RHAG: variants seen among roughly 807,000 people sequenced by gnomAD.
RHAG encodes ammonium transporter Rh type A.
RHAG carries 25 observed loss-of-function variants against 42.4 expected under a neutral mutation model. That is an observed-to-expected ratio of 0.59 (90% CI 0.43 to 0.82). The LOEUF (loss-of-function observed/expected upper bound fraction) is 0.82. RHAG is among the 40% of genes least tolerant of loss of function. RHAG has a pLI of 0.00. For synonymous variants in RHAG, 182 were observed against 177.7 expected (o/e 1.02, Z -0.19); for missense variants, 483 against 504.6 (o/e 0.96, Z 0.41).
At chr6:49,626,365 G>A (rs1562018445) in intron 1 of RHAG, among the ~76,000 whole-genome samples, 1 of 152,114 alleles carries the variant, frequency 6.6e-6, no homozygotes, top group Non-Finnish European at 1.5e-5. Context: ...GTGGCTACAG[G>A]CCCCATGCAA....
Position 49,614,707 on chromosome 6 carries a change from G to T in RHAG, c.787C>A (p.His263Asn). 6.2e-7 allele frequency: 1 copy of T among 1,613,874 alleles called. No individual in the cohort carries two copies. Among genetic ancestry groups the T allele is most frequent in the South Asian group, 1.1e-5 (1 of 91,066 alleles). ...CTTACCATGTTGAGCTTGCCTCGGT[G>T]CTCCACTAGGCTGGAGAAGGCAAAG... ...TAFAFSSLVE[H>N]RGKLNMVHIQ... Residue 263 changes from histidine to asparagine, a missense_variant, in exon 5 of 10, where the codon CAC becomes AAC. His to Asn is a moderately conservative substitution (Grantham distance 68, BLOSUM62 1). Transcript: ENST00000371175.
At chr6:49,627,547 A>ACATTTT (rs1162261212) in intron 1 of RHAG, among the ~76,000 whole-genome samples, 1 of 152,148 alleles carries the variant, frequency 6.6e-6, no homozygotes, top group African/African-American at 2.4e-5. Flanking sequence ...AGTTGCTTTC[A>ACATTTT]CATTTTCGGG....
intron 1 of RHAG, among the ~76,000 whole-genome samples, chr6:49,634,463 T>C (rs144431074): frequency 1.4e-3 from 208 of 152,280 alleles, no homozygotes; most frequent in African/African-American, 4.7e-3. Flanking sequence ...ACTAGGGATA[T>C]TTCCAAAGAA....
chr6:49,619,321 A>G lies in RHAG; in HGVS notation c.199T>C (p.Phe67Leu), dbSNP rs116356543. Reference protein sequence around the residue: ...VHVMIFVGFGFLMTFLKKYGF... With the variant: ...VHVMIFVGFGLLMTFLKKYGF... Reference sequence around the variant, plus strand: ...TATTTCTTCAGGAAGGTCATGAGGAAGCCAAACCCAACAAATATCATAACA... The same window carrying G: ...TATTTCTTCAGGAAGGTCATGAGGAGGCCAAACCCAACAAATATCATAACA... The change falls in exon 2 of 10, where the codon TTC (phenylalanine) becomes CTC (leucine). Residue 67 changes from phenylalanine to leucine, a missense_variant. By Grantham distance (22) the Phe-to-Leu change is conservative. Coordinates refer to ENST00000371175, the MANE Select transcript of RHAG (RefSeq NM_000324.3). 311 of 1,614,208 alleles carry G rather than the reference A, an allele frequency of 1.9e-4. 1 individual carries two copies. In the African/African-American group the frequency reaches 3.6e-3, roughly 19 times the overall value.
chr6:49,636,575 G>GTTTATAGTA, intron 1 of RHAG, 81 bp downstream of exon 1: 1 of 1,377,676 alleles, frequency 7.3e-7, no homozygotes, highest in Non-Finnish European at 1.0e-6. Flanking sequence ...GAGCTCAAGG[G>GTTTATAGTA]TTTATAGTAT....
chr6:49,627,475 C>G (rs1043934639), intron 1 of RHAG, among the ~76,000 whole-genome samples: 1 of 152,190 alleles, frequency 6.6e-6, no homozygotes, highest in Non-Finnish European at 1.5e-5. Flanking sequence ...CTTTCCCACA[C>G]CTTCGTGTCT....
intron 3 of RHAG, among the ~76,000 whole-genome samples, chr6:49,616,354 CAAAAAAAAAA>C (rs34416373): frequency 7.2e-4 from 78 of 108,780 alleles, no homozygotes; most frequent in Non-Finnish European, 7.6e-4. Context: ...AATCTCAAAC[CAAAAAAAAAA>C]AAAAAAAAAA....
At position 49,612,495 on chromosome 6, in the gene RHAG, C is replaced by G. The variant is rs747121880; in HGVS notation, c.847G>C (p.Val283Leu). ...ATTGCCATATCCGCACAAGTGCCCA[C>G]AGCAACTCCTCCAGCAAGGGTGGCA... ...QNATLAGGVA[V>L]GTCADMAIHP... The change falls in exon 6 of 10, where the codon GTG (valine) becomes CTG (leucine). Residue 283 changes from valine to leucine, a missense_variant. Transcript: ENST00000371175. 3 of 1,614,132 alleles carry G rather than the reference C, an allele frequency of 1.9e-6. No homozygotes were observed. Among genetic ancestry groups the G allele is most frequent in the Admixed American group, 3.3e-5 (2 of 60,012 alleles).
chr6:49,610,612 A>T (rs531810194), intron 7 of RHAG, among the ~76,000 whole-genome samples: 2 of 152,280 alleles, frequency 1.3e-5, no homozygotes, highest in African/African-American at 4.8e-5. Context: ...CTGCAGAACC[A>T]ACTGCTTTCT....
At chr6:49,607,447 T>A (rs571772472) in intron 7 of RHAG, among the ~76,000 whole-genome samples, 157 of 152,328 alleles carry the variant, frequency 1.0e-3, no homozygotes, top group Non-Finnish European at 1.7e-3. Context: ...GAATCATCTT[T>A]TCATGTAAAC....
At chr6:49,618,301 C>T (rs1003863437) in intron 2 of RHAG, 83 bp from the exon 3 acceptor site, 5 of 1,454,302 alleles carry the variant, frequency 3.4e-6, no homozygotes, top group Non-Finnish European at 3.8e-6. Context: ...TCCCACCAGG[C>T]ACATCCAGTG....
chr6:49,606,928 C>T lies in RHAG; in HGVS notation c.1139-7G>A, dbSNP rs150091685. 3,718 of 1,601,902 alleles carry T rather than the reference C, an allele frequency of 2.3e-3. 9 individuals are homozygous for T. Among genetic ancestry groups the T allele is most frequent in the Non-Finnish European group, 2.8e-3 (3,243 of 1,169,162 alleles). On this transcript the variant is annotated splice_polypyrimidine_tract_variant and splice_region_variant and intron_variant, in intron 8 of 9. Transcript: ENST00000371175. Reference sequence around the variant, plus strand: ...GGCAACTTTAGAATTAAACCTGTGACGGTAGAGGGAAAATGAGTCATGTTG... The same window carrying T: ...GGCAACTTTAGAATTAAACCTGTGATGGTAGAGGGAAAATGAGTCATGTTG...
At chr6:49,635,924 C>T (rs1763003973) in intron 1 of RHAG, among the ~76,000 whole-genome samples, 1 of 152,118 alleles carries the variant, frequency 6.6e-6, no homozygotes, top group South Asian at 2.1e-4. Flanking sequence ...CTACTGTCTT[C>T]CTTCCTGGCT....
At chr6:49,619,135 A>C (rs1293009001) in intron 2 of RHAG, 44 bp downstream of exon 2, 1 of 1,601,170 alleles carries the variant, frequency 6.2e-7, no homozygotes, top group Non-Finnish European at 8.6e-7. Flanking sequence ...TAATATATGA[A>C]TTCTGGAGGA....
intron 1 of RHAG, among the ~76,000 whole-genome samples, chr6:49,633,773 A>T (rs1418915013): frequency 6.6e-6 from 1 of 152,146 alleles, no homozygotes; most frequent in East Asian, 1.9e-4. Flanking sequence ...AGAGAGGCTG[A>T]AAAAACATCT....
intron 8 of RHAG, 76 bp downstream of exon 8, chr6:49,607,073 TG>T: frequency 2.2e-6 from 3 of 1,363,808 alleles, no homozygotes; most frequent in Non-Finnish European, 3.1e-6. Context: ...ATTTAGCAAT[TG>T]ACTTGCTCAT....
chr6:49,619,148 C>A (rs779584737), intron 2 of RHAG, 31 bp downstream of exon 2: 1 of 1,610,714 alleles, frequency 6.2e-7, no homozygotes, highest in Non-Finnish European at 8.5e-7. Context: ...CTGGAGGATG[C>A]AAACATTCAG....
intron 1 of RHAG, among the ~76,000 whole-genome samples, chr6:49,633,106 C>T (rs1308389077): frequency 6.6e-6 from 1 of 152,180 alleles, no homozygotes; most frequent in Non-Finnish European, 1.5e-5. Context: ...AAAAGCACGA[C>T]AGAATACAAG....
rs899670868 is a variant in RHAG, at chr6:49,618,085, C to G, written c.475G>C (p.Val159Leu). Residue 159 changes from valine (V) to leucine (L), a missense_variant, in exon 3 of 10, where the codon GTT (valine) becomes CTT (leucine). Val to Leu is a conservative substitution (Grantham distance 32). Transcript: ENST00000371175. ...IVFFAHNEYLVSEIFKASDIG... is the reference protein window; with the variant it reads ...IVFFAHNEYLLSEIFKASDIG... ...ACTCTTACCTTAAATATTTCACTAA[C>G]CAGGTATTCATTGTGGGCAAAGAAA... 1 of 1,613,856 alleles carries G rather than the reference C, an allele frequency of 6.2e-7. No homozygotes were observed. The highest frequency in any genetic ancestry group is 8.5e-7 in the Non-Finnish European group (1 of 1,179,812).
Sources: gnomAD v4.1 joint callset for allele counts (sites outside exome capture counted in the v4.1 genomes callset) on GRCh38, gnomAD v4.1.1 for gene constraint, MANE v1.5 for transcripts, NCBI Gene and HGNC (gene_info 2026-07-23, HGNC 2026-07-21) for gene names.